GRM1: variants seen among roughly 807,000 people sequenced by gnomAD.
GRM1 encodes the protein metabotropic glutamate receptor 1.
In GRM1, 33 loss-of-function variants were observed where a neutral mutation model predicts 90.9. The ratio of observed to expected loss-of-function variants is 0.36; its 90% CI spans 0.28 to 0.49. The LOEUF (loss-of-function observed/expected upper bound fraction) is 0.49. Among genes scored for constraint, GRM1 ranks in the 20% least tolerant of loss-of-function variants. GRM1 has a pLI of 0.99. For missense variants in GRM1, 1,190 were observed against 1,534.3 expected (o/e 0.78, Z 3.75); for synonymous variants, 700 against 613.2 (o/e 1.14, Z -2.09).
intron 2 of GRM1, among the ~76,000 whole-genome samples, chr6:146,235,787 T>C (rs1780627985): frequency 6.6e-6 from 1 of 151,466 alleles, no homozygotes. Flanking sequence ...TTCTTCCTTA[T>C]AGTTTCATCT....
intron 3 of GRM1, among the ~76,000 whole-genome samples, chr6:146,337,386 G>A (rs143527797): frequency 4.0e-4 from 61 of 152,296 alleles, no homozygotes; most frequent in African/African-American, 1.3e-3. Flanking sequence ...GCTATCAAAT[G>A]CTTTTACATA....
Position 146,029,693 on chromosome 6 carries a change from C to T in GRM1, c.176C>T (p.Ala59Val), listed in dbSNP as rs755167939. 6.2e-7 allele frequency: 1 copy of T among 1,614,130 alleles called. No homozygotes were observed. Among genetic ancestry groups the T allele is most frequent in the Non-Finnish European group, 8.5e-7 (1 of 1,180,026 alleles). ...ALFSVHHQPP[A>V]EKVPERKCGE... ...TTCTCAGTCCATCACCAGCCTCCGGCCGAGAAAGTGCCCGAGAGGAAGTGT... is the reference window on the plus strand; with the variant it reads ...TTCTCAGTCCATCACCAGCCTCCGGTCGAGAAAGTGCCCGAGAGGAAGTGT... Residue 59 changes from alanine (A) to valine (V), a missense_variant, in exon 1 of 8, where the codon GCC becomes GTC. By Grantham distance (64) the Ala-to-Val change is moderately conservative (BLOSUM62 0). Around this residue, in one of 10 missense-constraint regions of GRM1, gnomAD observed 25 missense variants for 65.9 expected, o/e 0.38. Transcript: ENST00000282753.
At chr6:146,273,714 C>T (rs7767420) in intron 2 of GRM1, among the ~76,000 whole-genome samples, 17,508 of 152,104 alleles carry the variant, frequency 0.12, 2,002 homozygotes, top group African/African-American at 0.3. Context: ...AGGGTAAATA[C>T]AAAATGTCCC....
chr6:146,140,223 A>G (rs1411404674), intron 1 of GRM1, among the ~76,000 whole-genome samples: 2 of 134,742 alleles, frequency 1.5e-5, no homozygotes, highest in South Asian at 2.4e-4. Flanking sequence ...CTCTGGTGGT[A>G]TATTTTAATT....
chr6:146,056,702 G>C (rs1775493629), intron 1 of GRM1, among the ~76,000 whole-genome samples: 1 of 152,086 alleles, frequency 6.6e-6, no homozygotes, highest in African/African-American at 2.4e-5. Context: ...CTTTCACAAG[G>C]AACAGTAACT....
At chr6:146,142,876 G>A (rs571567668) in intron 1 of GRM1, among the ~76,000 whole-genome samples, 53 of 152,214 alleles carry the variant, frequency 3.5e-4, no homozygotes, top group Admixed American at 6.5e-4. Flanking sequence ...AGCCTGCTTG[G>A]TACTCTAACC....
chr6:146,147,304 T>C (rs533601891), intron 1 of GRM1, among the ~76,000 whole-genome samples: 1 of 152,326 alleles, frequency 6.6e-6, no homozygotes, highest in Non-Finnish European at 1.5e-5. Flanking sequence ...CACATCTGAA[T>C]TCAAATCCCA....
intron 7 of GRM1, chr6:146,426,731 T>A: frequency 1.4e-6 from 1 of 696,550 alleles, no homozygotes. Flanking sequence ...GAAACAGATG[T>A]GGTGCATGCC....
At chr6:146,050,745 G>A (rs1791493939) in intron 1 of GRM1, among the ~76,000 whole-genome samples, 1 of 152,014 alleles carries the variant, frequency 6.6e-6, no homozygotes, top group Admixed American at 6.6e-5. Flanking sequence ...TCATGCAGAA[G>A]CCAGCCTCTC....
At chr6:146,140,342 C>T (rs1776826600) in intron 1 of GRM1, among the ~76,000 whole-genome samples, 1 of 151,930 alleles carries the variant, frequency 6.6e-6, no homozygotes, top group Admixed American at 6.6e-5. Context: ...GATCTCAGCT[C>T]ACTGCAACCT....
At chr6:146,263,594 A>G (rs1286698133) in intron 2 of GRM1, among the ~76,000 whole-genome samples, 1 of 152,040 alleles carries the variant, frequency 6.6e-6, no homozygotes. Context: ...CTTATCTCGT[A>G]CACAAGCATA....
At chr6:146,136,373 T>C (rs564685749) in intron 1 of GRM1, among the ~76,000 whole-genome samples, 51 of 152,220 alleles carry the variant, frequency 3.4e-4, no homozygotes, top group Non-Finnish European at 6.8e-4. Flanking sequence ...TCCATAGTGA[T>C]TGTACTAATT....
At chr6:146,366,875 C>A (rs903215957) in intron 5 of GRM1, among the ~76,000 whole-genome samples, 1 of 152,012 alleles carries the variant, frequency 6.6e-6, no homozygotes, top group Admixed American at 6.6e-5. Context: ...TTAATTGTTT[C>A]CTTTGCTGTG....
chr6:146,153,037 G>T (rs1467523623), intron 1 of GRM1, among the ~76,000 whole-genome samples: 2 of 152,144 alleles, frequency 1.3e-5, no homozygotes, highest in African/African-American at 4.8e-5. Context: ...TGGGCTCGTG[G>T]CTGGGTGTAC....
At chr6:146,412,149 A>C (rs1197325975) in intron 7 of GRM1, among the ~76,000 whole-genome samples, 2 of 152,232 alleles carry the variant, frequency 1.3e-5, no homozygotes, top group East Asian at 3.9e-4. Flanking sequence ...TATATGTTGC[A>C]GCATTGTCAA....
intron 7 of GRM1, among the ~76,000 whole-genome samples, chr6:146,401,332 G>GA: frequency 1.3e-5 from 2 of 151,660 alleles, no homozygotes; most frequent in East Asian, 3.9e-4. Flanking sequence ...CTCTTACCAT[G>GA]TTTTTTTTAT....
At chr6:146,427,873 G>A (rs898574986) in intron 7 of GRM1, among the ~76,000 whole-genome samples, 5 of 152,198 alleles carry the variant, frequency 3.3e-5, no homozygotes, top group African/African-American at 1.2e-4. Context: ...TTCTAATTGT[G>A]AGAGCTGCTG....
intron 3 of GRM1, among the ~76,000 whole-genome samples, chr6:146,334,662 C>T (rs1784705701): frequency 6.6e-6 from 1 of 152,136 alleles, no homozygotes; most frequent in African/African-American, 2.4e-5. Context: ...TGTATTTTCT[C>T]CGTACGGGCT....
chr6:146,313,609 C>T lies in GRM1; in HGVS notation c.1186+8763C>T, dbSNP rs1487877037. Among the ~76,000 whole-genome samples the T allele has an allele frequency of 2.0e-5, 3 of 152,142 alleles. No individual in the cohort carries two copies. The East Asian group carries it at 5.8e-4, about 29-fold the overall frequency. On this transcript the variant is annotated intron_variant, in intron 3 of 7. Coordinates refer to ENST00000282753, the MANE Select transcript of GRM1 (RefSeq NM_001278064.2). The stretch of plus-strand genomic sequence containing the variant: ...AAAATAAAGTCATATTTTCAGCCAT[C>T]ATAAAAAGTAACAGTTGTTCAGGAT...
Sources: allele counts gnomAD v4.1 joint callset (sites outside exome capture counted in the v4.1 genomes callset), GRCh38; gene constraint gnomAD v4.1.1; regional missense constraint gnomAD v4.1.1; transcripts MANE v1.5; gene names NCBI Gene and HGNC (gene_info 2026-07-23, HGNC 2026-07-21).